ANK2: variants seen among roughly 807,000 people sequenced by gnomAD.
The protein encoded by ANK2 is ankyrin 2, also known as ankyrin-2.
A neutral mutation model predicts 360.5 loss-of-function variants in ANK2; 83 were observed. The ratio of observed to expected loss-of-function variants is 0.23; its 90% CI spans 0.19 to 0.28. The LOEUF (loss-of-function observed/expected upper bound fraction) is 0.28. ANK2 is among the 10% of genes least tolerant of loss of function. The pLI, the probability that ANK2 is intolerant of heterozygous loss-of-function variation, is 1.00. For synonymous variants in ANK2, 1,740 were observed against 1,759.5 expected (o/e 0.99, Z 0.28); for missense variants, 4,201 against 4,795.7 (o/e 0.88, Z 3.66).
intron 4 of ANK2, among the ~76,000 whole-genome samples, chr4:113,226,379 G>A (rs1475022175): frequency 1.3e-5 from 2 of 152,162 alleles, no homozygotes; most frequent in African/African-American, 2.4e-5. Context: ...GTTTCCGTAT[G>A]TCCTGTGTTG....
At chr4:113,275,675 A>G (rs905047102) in intron 15 of ANK2, among the ~76,000 whole-genome samples, 1 of 151,846 alleles carries the variant, frequency 6.6e-6, no homozygotes, top group Non-Finnish European at 1.5e-5. Context: ...CAATTATTGA[A>G]GTTCTGAACT....
At chr4:113,257,167 A>G (rs900284604) in intron 11 of ANK2, among the ~76,000 whole-genome samples, 4 of 152,330 alleles carry the variant, frequency 2.6e-5, no homozygotes, top group African/African-American at 9.6e-5. Context: ...CCATGTTGGG[A>G]CATGCGAAAT....
intron 1 of ANK2, among the ~76,000 whole-genome samples, chr4:113,108,980 A>G (rs1006438639): frequency 2.0e-5 from 3 of 152,194 alleles, no homozygotes; most frequent in East Asian, 1.9e-4. Flanking sequence ...AAAACTTTGT[A>G]TTAAGAAAAG....
At chr4:112,910,627 T>C (rs565839724) in intron 2 of ANK2, among the ~76,000 whole-genome samples, 93 of 152,342 alleles carry the variant, frequency 6.1e-4, no homozygotes, top group African/African-American at 2.2e-3. Context: ...AGAGATTCAA[T>C]GCACTGGGAA....
rs763325510 is a variant in ANK2 at position 113,381,520 on chromosome 4, C to T, written c.*49C>T. 1 of 1,613,970 alleles carries T rather than the reference C, an allele frequency of 6.2e-7. No individual in the cohort carries two copies. Among genetic ancestry groups the T allele is most frequent in the South Asian group, 1.1e-5 (1 of 91,054 alleles). ...TGGTGAAGGACCAGCATGGAAAACG[C>T]ATTGACTTGGAGCACCTGGAGGATG... On this transcript the variant is annotated 3_prime_UTR_variant, in exon 46 of 46. Coordinates refer to ENST00000357077, the MANE Select transcript of ANK2 (RefSeq NM_001148.6).
intron 2 of ANK2, chr4:112,980,613 T>G (rs2154271106): frequency 6.6e-6 from 1 of 152,366 alleles, no homozygotes; most frequent in East Asian, 1.9e-4. Context: ...CTATGTCCTT[T>G]AATTCATTTA....
chr4:112,785,767 CCAGCAATCCTCCTGTCT>C, the ANK2 span, among the ~76,000 whole-genome samples: 1 of 152,124 alleles, frequency 6.6e-6, no homozygotes, highest in Non-Finnish European at 1.5e-5. Context: ...CTTCTGAGCT[CCAGCAATCCTCCTGTCT>C]CAGCCCCACA....
At chr4:112,718,351 G>C in the ANK2 span, among the ~76,000 whole-genome samples, 101 of 152,332 alleles carry the variant, frequency 6.6e-4, no homozygotes, top group South Asian at 5.8e-3. Context: ...GTCTTGCTCT[G>C]TTGCCCAAGC....
intron 18 of ANK2, among the ~76,000 whole-genome samples, chr4:113,286,957 A>G (rs966737020): frequency 1.3e-5 from 2 of 152,066 alleles, no homozygotes; most frequent in Non-Finnish European, 2.9e-5. Context: ...TTCTTTTTTT[A>G]TTATTAATTC....
intron 1 of ANK2, among the ~76,000 whole-genome samples, chr4:113,157,517 A>G (rs963474221): frequency 2.0e-5 from 3 of 152,254 alleles, no homozygotes; most frequent in African/African-American, 7.2e-5. Flanking sequence ...TACCCTTAAA[A>G]GTCACAGCTC....
chr4:113,102,667 G>A (rs1396563588), intron 1 of ANK2, among the ~76,000 whole-genome samples: 2 of 152,122 alleles, frequency 1.3e-5, no homozygotes, highest in Admixed American at 6.6e-5. Context: ...AAGGAAGAAT[G>A]TCCAACTGTG....
chr4:112,837,936 A>G (rs1460591384), intron 1 of ANK2, among the ~76,000 whole-genome samples: 3 of 152,172 alleles, frequency 2.0e-5, no homozygotes, highest in Non-Finnish European at 4.4e-5. Flanking sequence ...TAATGCTGGG[A>G]TGAGTTAAGA....
intron 1 of ANK2, among the ~76,000 whole-genome samples, chr4:112,856,216 C>T (rs901921952): frequency 1.3e-5 from 2 of 152,050 alleles, no homozygotes; most frequent in South Asian, 2.1e-4. Context: ...ACTTTTTAAG[C>T]GTGAAAGTAC....
At chr4:112,996,615 T>A (rs373324413) in intron 2 of ANK2, among the ~76,000 whole-genome samples, 3 of 152,206 alleles carry the variant, frequency 2.0e-5, no homozygotes, top group South Asian at 2.1e-4. Context: ...TTTTAAATTT[T>A]GTGGGTACGT....
intron 2 of ANK2, among the ~76,000 whole-genome samples, chr4:112,987,825 A>G (rs1461131325): frequency 1.3e-5 from 2 of 152,160 alleles, no homozygotes; most frequent in Non-Finnish European, 2.9e-5. Context: ...ACTATAACAT[A>G]TATGTCTATT....
chr4:112,812,995 T>C, the ANK2 span, among the ~76,000 whole-genome samples: 1 of 152,108 alleles, frequency 6.6e-6, no homozygotes, highest in Non-Finnish European at 1.5e-5. Context: ...ATCTCAGCAC[T>C]TTGGGAGCCT....
At chr4:113,100,846 G>A (rs7660069) in intron 1 of ANK2, among the ~76,000 whole-genome samples, 1 of 151,884 alleles carries the variant, frequency 6.6e-6, no homozygotes, top group Non-Finnish European at 1.5e-5. Context: ...AAGGGCATAT[G>A]GCTAAGTGAA....
At chr4:113,178,378 T>C (rs1030449656) in intron 2 of ANK2, among the ~76,000 whole-genome samples, 1 of 152,070 alleles carries the variant, frequency 6.6e-6, no homozygotes, top group African/African-American at 2.4e-5. Flanking sequence ...GAGACCAGTC[T>C]GGTCAACATG....
chr4:112,989,969 T>A lies in ANK2; in HGVS notation c.21+85455T>A, dbSNP rs568087624. Among the ~76,000 whole-genome samples, 254 of 152,276 alleles carry A rather than the reference T, an allele frequency of 1.7e-3. 2 individuals are homozygous for A. The highest frequency in any genetic ancestry group is 5.6e-3 in the African/African-American group (234 of 41,566). On this transcript the variant is annotated intron_variant, in intron 2 of 30. Transcript: ENST00000503271. ...GTAGCAAACTAAATTAATAATTTTTTAAAAAATAATTCAGGTATTGTCTGG... is the reference window on the plus strand; with the variant it reads ...GTAGCAAACTAAATTAATAATTTTTAAAAAAATAATTCAGGTATTGTCTGG...
Sources: allele counts gnomAD v4.1 joint callset (sites outside exome capture counted in the v4.1 genomes callset), GRCh38; gene constraint gnomAD v4.1.1; transcripts MANE v1.5; gene names NCBI Gene and HGNC (gene_info 2026-07-23, HGNC 2026-07-21).